ZNF131: variants seen among roughly 807,000 people sequenced by gnomAD.
ZNF131 encodes the protein zinc finger and BTB domain containing 35, also known as zinc finger protein 131.
A neutral mutation model predicts 60.0 loss-of-function variants in ZNF131; 7 were observed. The ratio of observed to expected loss-of-function variants is 0.12; its 90% CI spans 0.07 to 0.22. The LOEUF (loss-of-function observed/expected upper bound fraction) is 0.22, where lower values mean the gene tolerates loss of function less well. Ranked by LOEUF, ZNF131 falls within the 10% of genes least tolerant of loss-of-function variation. The pLI is 1.00. For missense variants in ZNF131, 493 were observed against 740.9 expected, an observed-to-expected ratio of 0.67 and a Z score of 3.88; for synonymous variants, 257 against 253.2, an observed-to-expected ratio of 1.01 and a Z score of -0.14.
In ZNF131 at chr5:43,173,642, A is replaced by G. The variant is rs541882601; in HGVS notation, c.1185+194A>G. ...CCAACCCTAGATGACACCAATGTCA[A>G]TAACAACTATGTCCTAAATAACAGT... On this transcript the variant is annotated intron_variant, in intron 6 of 6. Transcript: ENST00000682664. Among the ~76,000 whole-genome samples the G allele has an allele frequency of 3.3e-5, 5 of 152,318 alleles. No individual in the cohort carries two copies. The South Asian group carries it at 8.3e-4, about 25-fold the overall frequency.
chr5:43,126,853 A>G (rs1744618957), intron 3 of ZNF131, among the ~76,000 whole-genome samples: 1 of 151,278 alleles, frequency 6.6e-6, no homozygotes, highest in Non-Finnish European at 1.5e-5. Flanking sequence ...CCAGATATCC[A>G]CCCCTCCCCA....
At chr5:43,143,996 C>A (rs958262253) in intron 4 of ZNF131, among the ~76,000 whole-genome samples, 1 of 138,128 alleles carries the variant, frequency 7.2e-6, no homozygotes, top group African/African-American at 2.6e-5. Flanking sequence ...GATCTTGGCT[C>A]ACTGCAAGCT....
At chr5:43,156,299 A>G (rs1466812333) in intron 4 of ZNF131, among the ~76,000 whole-genome samples, 1 of 152,174 alleles carries the variant, frequency 6.6e-6, no homozygotes. Context: ...AATCTGACAT[A>G]GCCATGGAAG....
chr5:43,161,968 C>G (rs565680412), intron 5 of ZNF131, 37 bp downstream of exon 5: 1 of 1,520,058 alleles, frequency 6.6e-7, no homozygotes, highest in East Asian at 2.3e-5. Flanking sequence ...TTTTTTTTCC[C>G]ACATGCACTT....
chr5:43,152,021 ATTG>A (rs755854927), intron 4 of ZNF131, among the ~76,000 whole-genome samples: 162 of 150,356 alleles, frequency 1.1e-3, no homozygotes, highest in Middle Eastern at 0.01. Context: ...TTATTTATTT[ATTG>A]AGATGGAGTC....
chr5:43,162,484 C>T (rs776222454), intron 5 of ZNF131, among the ~76,000 whole-genome samples: 8 of 151,354 alleles, frequency 5.3e-5, no homozygotes, highest in Admixed American at 1.3e-4. Context: ...CCCAGCTACT[C>T]TGGAGGCTGA....
chr5:43,175,599 T>C lies in ZNF131; in HGVS notation c.*466T>C. On this transcript the variant is annotated 3_prime_UTR_variant, in exon 7 of 7. Transcript: ENST00000682664. ...CATGATGAAAAGTGCATTGTTACTGTGCAGTTAAATTTTGGCTTCTGGCTT... is the reference window on the plus strand; with the variant it reads ...CATGATGAAAAGTGCATTGTTACTGCGCAGTTAAATTTTGGCTTCTGGCTT... 3.5e-6 allele frequency: 2 copies of C among 573,760 alleles called. No homozygotes were observed. The highest frequency in any genetic ancestry group is 6.1e-6 in the Non-Finnish European group (2 of 327,796). 35.5% of individuals were successfully genotyped at this position (573,760 alleles called of 1,614,324 possible). A position where few individuals can be genotyped will look rare whatever the true frequency, so the allele number is the denominator to read the frequency against.
At chr5:43,133,826 AAATAATGCAGG>A (rs1745672299) in intron 3 of ZNF131, among the ~76,000 whole-genome samples, 1 of 152,250 alleles carries the variant, frequency 6.6e-6, no homozygotes, top group South Asian at 2.1e-4. Flanking sequence ...TAAATGGATT[AAATAATGCAGG>A]AATGGAAAGT....
chr5:43,143,240 T>G, intron 4 of ZNF131: 1 of 344,858 alleles, frequency 2.9e-6, no homozygotes, highest in Non-Finnish European at 4.5e-6. Context: ...GCCAGGATGG[T>G]CTCATCTCTT....
At chr5:43,134,408 A>G (rs512921) in intron 3 of ZNF131, among the ~76,000 whole-genome samples, 42,778 of 152,074 alleles carry the variant, frequency 0.28, 6,557 homozygotes, top group East Asian at 0.63. Context: ...AGCATACTCA[A>G]CGGTGAAAAA....
Position 43,161,547 on chromosome 5 carries a change from G to A in ZNF131, c.670G>A (p.Gly224Ser), listed in dbSNP as rs776590130. ...AGATATTACCAGCAAGTACCGTCAA[G>A]GTGACAGAAAAGGGCAGATTAAAGA... is the stretch of plus-strand genomic sequence containing the variant. ...LADITSKYRQ[G>S]DRKGQIKEDG... Residue 224 changes from glycine to serine, a missense_variant, in exon 5 of 7, where the codon GGT becomes AGT. Coordinates refer to ENST00000682664, the MANE Select transcript of ZNF131 (RefSeq NM_001330707.2). 1 of 1,614,264 alleles carries A rather than the reference G, an allele frequency of 6.2e-7. No individual in the cohort carries two copies. Among genetic ancestry groups the A allele is most frequent in the Non-Finnish European group, 8.5e-7 (1 of 1,180,052 alleles).
At chr5:43,139,791 T>C (rs543251629) in intron 4 of ZNF131, among the ~76,000 whole-genome samples, 2 of 152,356 alleles carry the variant, frequency 1.3e-5, no homozygotes, top group South Asian at 4.1e-4. Flanking sequence ...GTGCTAAATC[T>C]AGCTCTAAGT....
At chr5:43,168,295 C>T (rs1368559711) in intron 5 of ZNF131, among the ~76,000 whole-genome samples, 3 of 152,112 alleles carry the variant, frequency 2.0e-5, no homozygotes, top group Non-Finnish European at 4.4e-5. Context: ...CCTTTGATGA[C>T]TCAGAAAGGA....
intron 3 of ZNF131, among the ~76,000 whole-genome samples, chr5:43,128,614 G>T (rs573775835): frequency 7.4e-6 from 1 of 135,054 alleles, no homozygotes; most frequent in Non-Finnish European, 1.5e-5. Flanking sequence ...CTGAGATGGC[G>T]CCACTGCACT....
chr5:43,164,623 C>T (rs935057162), intron 5 of ZNF131, among the ~76,000 whole-genome samples: 1 of 152,144 alleles, frequency 6.6e-6, no homozygotes, highest in Non-Finnish European at 1.5e-5. Context: ...AAAACATTGC[C>T]TACTGACTTT....
intron 4 of ZNF131, among the ~76,000 whole-genome samples, chr5:43,160,030 G>A (rs1749455356): frequency 6.6e-6 from 1 of 152,012 alleles, no homozygotes; most frequent in African/African-American, 2.4e-5. Flanking sequence ...CAAAATATTA[G>A]CTGGTCGTGG....
chr5:43,138,231 C>A (rs564308931), intron 3 of ZNF131, among the ~76,000 whole-genome samples: 7 of 151,040 alleles, frequency 4.6e-5, no homozygotes, highest in South Asian at 2.1e-4. Context: ...ATCTCATGTT[C>A]TTATTACAAT....
intron 2 of ZNF131, among the ~76,000 whole-genome samples, chr5:43,122,673 A>G (rs535282032): frequency 2.0e-5 from 3 of 152,336 alleles, no homozygotes; most frequent in South Asian, 4.1e-4. Flanking sequence ...TGCCTCTATA[A>G]TGGAAGGAAA....
intron 3 of ZNF131, among the ~76,000 whole-genome samples, 165 bp from the exon 4 acceptor site, chr5:43,139,000 A>G (rs191287191): frequency 8.7e-4 from 132 of 152,316 alleles, no homozygotes; most frequent in African/African-American, 3.0e-3. Context: ...TAGTGCTGAA[A>G]TTTGGCTGTA....
Sources: gnomAD v4.1 joint callset for allele counts (sites outside exome capture counted in the v4.1 genomes callset) on GRCh38, gnomAD v4.1.1 for gene constraint, MANE v1.5 for transcripts, NCBI Gene and HGNC (gene_info 2026-07-23, HGNC 2026-07-21) for gene names.